The following CLEC4D variants were observed in gnomAD, a reference collection of about 807,000 sequenced individuals.
The protein encoded by CLEC4D is C-type (calcium dependent, carbohydrate-recognition domain) lectin, superfamily member 8.
A neutral mutation model predicts 21.1 loss-of-function variants in CLEC4D; 21 were observed. That is an observed-to-expected ratio of 1.00 (90% CI 0.71 to 1.43). CLEC4D has a LOEUF of 1.43. Among genes scored for constraint, CLEC4D ranks in the 40% most tolerant of loss-of-function variants. CLEC4D has a pLI of 0.00. For synonymous variants in CLEC4D, 85 were observed against 83.1 expected (o/e 1.02, Z -0.12); for missense variants, 289 against 260.7 (o/e 1.11, Z -0.75).
At position 8,521,444 on chromosome 12, in the gene CLEC4D, G is replaced by A; in HGVS notation, c.*173G>A. 7 of 1,207,824 alleles carry A rather than the reference G, an allele frequency of 5.8e-6. No individual in the cohort carries two copies. Among genetic ancestry groups the A allele is most frequent in the East Asian group, 2.9e-5 (1 of 34,910 alleles). 74.8% of individuals were successfully genotyped at this position (1,207,824 alleles called of 1,614,324 possible). A position where few individuals can be genotyped will look rare whatever the true frequency, so the allele number is the denominator to read the frequency against. ...CATTCGAGACAACATGTGTGTATGT[G>A]TGTGTGTGTGTGTGTAGATAATGTG... On this transcript the variant is annotated 3_prime_UTR_variant, in exon 6 of 6. Coordinates refer to ENST00000299665, the MANE Select transcript of CLEC4D (RefSeq NM_080387.5).
chr12:8,513,864 GAGA>G lies in CLEC4D; in HGVS notation c.28+107_28+109del, dbSNP rs1200689387. ...TTTAAAGATTGTTGATGATGACGGG[GAGA>G]AGGAGGTGGAAGGAAATAAAAATGA... On this transcript the variant is annotated intron_variant, in intron 1 of 5. Coordinates refer to ENST00000299665, the MANE Select transcript of CLEC4D (RefSeq NM_080387.5). 1.1e-4 allele frequency: 77 copies of G among 697,792 alleles called. No homozygotes were observed. In the East Asian group the frequency reaches 1.8e-3, roughly 17 times the overall value. 43.2% of individuals were successfully genotyped at this position (697,792 alleles called of 1,614,324 possible).
intron 2 of CLEC4D, among the ~76,000 whole-genome samples, chr12:8,516,103 T>C (rs1411559985): frequency 1.3e-5 from 2 of 152,176 alleles, no homozygotes; most frequent in African/African-American, 2.4e-5. Context: ...TGCATCACAC[T>C]GTATACAAAA....
chr12:8,524,237 C>T (rs559369192), downstream of CLEC4D, among the ~76,000 whole-genome samples: 96 of 152,038 alleles, frequency 6.3e-4, no homozygotes, highest in Middle Eastern at 0.01. Flanking sequence ...GGAGTCCCTC[C>T]TTTTCAATTG....
chr12:8,523,278 T>C (rs976980209), downstream of CLEC4D, among the ~76,000 whole-genome samples: 4 of 152,214 alleles, frequency 2.6e-5, no homozygotes, highest in African/African-American at 9.6e-5. Context: ...ATCTATAAAT[T>C]GCTCTGGGCA....
the CLEC4D span, among the ~76,000 whole-genome samples, chr12:8,529,772 G>A: frequency 1.3e-5 from 2 of 152,124 alleles, no homozygotes; most frequent in Admixed American, 1.3e-4. Flanking sequence ...TGATTATATA[G>A]TGATAGCAGG....
intron 2 of CLEC4D, among the ~76,000 whole-genome samples, chr12:8,516,724 G>A (rs1940386891): frequency 6.6e-6 from 1 of 152,170 alleles, no homozygotes; most frequent in African/African-American, 2.4e-5. Context: ...GTACGCTATT[G>A]CCTGCAGTTC....
rs138070495 is a variant in CLEC4D, at chr12:8,521,440, ATG to A, written c.*187_*188del. On this transcript the variant is annotated 3_prime_UTR_variant, in exon 6 of 6. Transcript: ENST00000299665. Reference sequence around the variant, plus strand: ...GATTCATTCGAGACAACATGTGTGTATGTGTGTGTGTGTGTGTGTAGATAATG... The same window carrying A: ...GATTCATTCGAGACAACATGTGTGTATGTGTGTGTGTGTGTGTAGATAATG... The A allele has an allele frequency of 0.066, 80,445 of 1,218,550 alleles. 1,000 individuals carry two copies. Among genetic ancestry groups the A allele is most frequent in the African/African-American group, 0.15 (9,467 of 64,234 alleles). 75.5% of individuals were successfully genotyped at this position (1,218,550 alleles called of 1,614,324 possible).
the CLEC4D span, among the ~76,000 whole-genome samples, chr12:8,528,913 A>G: frequency 1.3e-5 from 2 of 151,840 alleles, no homozygotes; most frequent in Non-Finnish European, 2.9e-5. Flanking sequence ...CATACATGTT[A>G]TATACTAAAC....
intron 1 of CLEC4D, among the ~76,000 whole-genome samples, chr12:8,514,149 A>G (rs1241709950): frequency 1.3e-5 from 2 of 152,144 alleles, no homozygotes; most frequent in Admixed American, 6.5e-5. Context: ...GTGGATTTGT[A>G]TTGTGATAAT....
At chr12:8,515,980 CTT>C (rs1476463093) in intron 2 of CLEC4D, among the ~76,000 whole-genome samples, 1 of 152,004 alleles carries the variant, frequency 6.6e-6, no homozygotes, top group Non-Finnish European at 1.5e-5. Context: ...ATATAAGACT[CTT>C]TATATAAAAC....
Position 8,513,630 on chromosome 12 carries a change from T to A in CLEC4D, c.-103T>A. On this transcript the variant is annotated 5_prime_UTR_variant, in exon 1 of 6. Transcript: ENST00000299665. Reference sequence around the variant, plus strand: ...TGTAACATTGGTGTTCGATCTCAAGTATTTCTGAATATATTCCCCTATCCA... The same window carrying A: ...TGTAACATTGGTGTTCGATCTCAAGAATTTCTGAATATATTCCCCTATCCA... The A allele has an allele frequency of 1.5e-6, 1 of 677,876 alleles. No homozygotes were observed. 42.0% of individuals were successfully genotyped at this position (677,876 alleles called of 1,614,324 possible). A position where few individuals can be genotyped will look rare whatever the true frequency, so the allele number is the denominator to read the frequency against.
In CLEC4D at chr12:8,521,187, C is replaced by T. The variant is rs758026760; in HGVS notation, c.564C>T (p.Asn188=). The change falls in exon 6 of 6, where the codon AAC becomes AAT. Residue 188 remains asparagine (N), a synonymous_variant. Coordinates refer to ENST00000299665, the MANE Select transcript of CLEC4D (RefSeq NM_080387.5). ...QGENCVVLVY[N]QDKWAWNDVP... is the part of the protein sequence containing the mutation. ...AAAACTGTGTTGTTCTTGTTTATAA[C>T]CAAGATAAATGGGCCTGGAATGATG... 2.5e-6 allele frequency: 4 copies of T among 1,613,366 alleles called. No homozygotes were observed. Among genetic ancestry groups the T allele is most frequent in the Non-Finnish European group, 3.4e-6 (4 of 1,179,654 alleles).
At chr12:8,523,709 C>T (rs190800606), downstream of CLEC4D, among the ~76,000 whole-genome samples, 152 of 152,272 alleles carry the variant, frequency 1.0e-3, no homozygotes, top group African/African-American at 3.5e-3. Flanking sequence ...TGACTGATTG[C>T]CCTGGCCAGA....
chr12:8,518,949 C>T, intron 3 of CLEC4D, 60 bp from the exon 4 acceptor site: 1 of 1,565,056 alleles, frequency 6.4e-7, no homozygotes. Context: ...AATAGTTATG[C>T]AATCTGTTAC....
At chr12:8,520,837 T>C (rs542844262) in intron 5 of CLEC4D, among the ~76,000 whole-genome samples, 1 of 152,230 alleles carries the variant, frequency 6.6e-6, no homozygotes, top group Non-Finnish European at 1.5e-5. Flanking sequence ...CATTTCAACA[T>C]GTGATCATTA....
intron 3 of CLEC4D, among the ~76,000 whole-genome samples, 168 bp from the exon 4 acceptor site, chr12:8,518,841 T>C (rs991951195): frequency 1.3e-5 from 2 of 152,222 alleles, no homozygotes; most frequent in Non-Finnish European, 2.9e-5. Flanking sequence ...TAGAAGATAT[T>C]TAGGAATGTA....
At chr12:8,527,371 T>G in the CLEC4D span, among the ~76,000 whole-genome samples, 1 of 152,084 alleles carries the variant, frequency 6.6e-6, no homozygotes, top group Non-Finnish European at 1.5e-5. Flanking sequence ...AGAACCAAAT[T>G]CTGTCCCCGA....
In CLEC4D at chr12:8,517,685, G is replaced by A. The variant is rs1461977839; in HGVS notation, c.122-479G>A. ...AAACGGGCCGGACGCGGTGGCTCAC[G>A]CCTGTAATCCCAGCACTTTGGGAGG... On this transcript the variant is annotated intron_variant, in intron 2 of 5. Coordinates refer to ENST00000299665, the MANE Select transcript of CLEC4D (RefSeq NM_080387.5). Among the ~76,000 whole-genome samples, 3 of 152,240 alleles carry A rather than the reference G, an allele frequency of 2.0e-5. No individual in the cohort carries two copies. In the East Asian group the frequency reaches 5.8e-4, roughly 29 times the overall value.
chr12:8,522,797 C>T (rs1384900777), downstream of CLEC4D, among the ~76,000 whole-genome samples: 1 of 152,082 alleles, frequency 6.6e-6, no homozygotes, highest in Non-Finnish European at 1.5e-5. Context: ...ATGGTATTAC[C>T]TAGGTTTTCT....
Sources: allele counts gnomAD v4.1 joint callset (sites outside exome capture counted in the v4.1 genomes callset), GRCh38; gene constraint gnomAD v4.1.1; transcripts MANE v1.5; gene names NCBI Gene and HGNC (gene_info 2026-07-23, HGNC 2026-07-21).